Variants in SPEN observed in about 807,000 individuals in gnomAD.
SPEN encodes the protein msx2-interacting protein.
A neutral mutation model predicts 269.9 loss-of-function variants in SPEN; 18 were observed. That is an observed-to-expected ratio of 0.07 (90% CI 0.05 to 0.10). The LOEUF is 0.10. Among genes scored for constraint, SPEN ranks in the 10% least tolerant of loss-of-function variants. The pLI, the probability that SPEN is intolerant of heterozygous loss-of-function variation, is 1.00. For missense variants in SPEN, 3,822 were observed against 4,631.2 expected (o/e 0.83, Z 5.07); for synonymous variants, 1,726 against 1,765.7 (o/e 0.98, Z 0.56).
rs552871135 is a variant in SPEN, at chr1:15,868,713, C to T, written c.84-4103C>T. On this transcript the variant is annotated intron_variant, in intron 1 of 14. Coordinates refer to ENST00000375759, the MANE Select transcript of SPEN (RefSeq NM_015001.3). ...CCTCCCAAAGTGCTGGGATTACAGG[C>T]GTGAGCCACCGTGCCCAGCCAGAAT... is the stretch of plus-strand genomic sequence containing the variant. Among the ~76,000 whole-genome samples the T allele has an allele frequency of 1.9e-4, 29 of 152,262 alleles. No homozygotes were observed. The South Asian group carries it at 5.0e-3, about 26-fold the overall frequency.
chr1:15,911,399 A>G, intron 5 of SPEN, 98 bp downstream of exon 5: 1 of 903,994 alleles, frequency 1.1e-6, no homozygotes, highest in Non-Finnish European at 1.8e-6. Context: ...TGAGGACACT[A>G]TTCTGGCTTT....
intron 1 of SPEN, among the ~76,000 whole-genome samples, chr1:15,863,522 G>T (rs2070467654): frequency 6.6e-6 from 1 of 152,082 alleles, no homozygotes; most frequent in Admixed American, 6.6e-5. Flanking sequence ...TTTCTACTTA[G>T]AACCAATAAA....
At chr1:15,927,417 G>C (rs192513342) in intron 10 of SPEN, among the ~76,000 whole-genome samples, 4 of 152,308 alleles carry the variant, frequency 2.6e-5, no homozygotes, top group Admixed American at 6.5e-5. Context: ...AGGAGACTGA[G>C]TTCAGAGAGT....
Position 15,933,361 on chromosome 1 carries a change from C to T in SPEN, c.7121C>T (p.Thr2374Ile). 6.2e-7 allele frequency: 1 copy of T among 1,614,144 alleles called. No individual in the cohort carries two copies. Among genetic ancestry groups the T allele is most frequent in the Non-Finnish European group, 8.5e-7 (1 of 1,180,044 alleles). ...AGTCCTGCTGCAAATGAGGGGACAA[C>T]AGTACAGCACCCCGAAGCCCCACAG... ...GESPAANEGT[T>I]VQHPEAPQEE... Residue 2374 changes from threonine (T) to isoleucine (I), a missense_variant, in exon 11 of 15, where the codon ACA becomes ATA. Coordinates refer to ENST00000375759, the MANE Select transcript of SPEN (RefSeq NM_015001.3). The surrounding 1 kb of genome is among the most constrained non-coding windows in gnomAD (Gnocchi z 5.7).
rs777197196 is a variant in SPEN at position 15,928,594 on chromosome 1, A to G, written c.2354A>G (p.Tyr785Cys). 3 of 1,614,184 alleles carry G rather than the reference A, an allele frequency of 1.9e-6. No individual in the cohort carries two copies. Among genetic ancestry groups the G allele is most frequent in the Middle Eastern group, 1.6e-4 (1 of 6,062 alleles). The change falls in exon 11 of 15, where the codon TAT (tyrosine) becomes TGT (cysteine). Residue 785 changes from tyrosine (Y) to cysteine (C), a missense_variant. Physicochemically the swap from Tyr to Cys is radical, Grantham distance 194. This residue lies in a region of SPEN where 572 missense variants were observed against 582.6 expected (regional missense o/e 0.98). Transcript: ENST00000375759. The surrounding 1 kb of genome is among the most constrained non-coding windows in gnomAD (Gnocchi z 5.7). ...EKLDKSRLERYTKNEKTDKER... is the reference protein window; with the variant it reads ...EKLDKSRLERCTKNEKTDKER... The stretch of plus-strand genomic sequence containing the variant: ...CTGGACAAGTCTCGTTTGGAGCGCT[A>G]TACAAAAAATGAAAAGACAGATAAA...
chr1:15,867,904 G>C (rs1423643290), intron 1 of SPEN, among the ~76,000 whole-genome samples: 4 of 152,058 alleles, frequency 2.6e-5, no homozygotes, highest in Non-Finnish European at 5.9e-5. Context: ...CGTGATCTCA[G>C]CCCACCGCAA....
At position 15,933,006 on chromosome 1, in the gene SPEN, C is replaced by T. The variant is rs554590716; in HGVS notation, c.6766C>T (p.Leu2256=). 8 of 1,614,148 alleles carry T rather than the reference C, an allele frequency of 5.0e-6. No homozygotes were observed. In the Admixed American group the frequency reaches 1.0e-4, roughly 20 times the overall value. Residue 2256 remains leucine, a synonymous_variant, in exon 11 of 15, where the codon CTG becomes TTG. Coordinates refer to ENST00000375759, the MANE Select transcript of SPEN (RefSeq NM_015001.3). This position sits in a 1 kb window ranked among gnomAD's most constrained non-coding sequence, Gnocchi z 5.7. ...GCAACCCCCCGCAGGTGCACAGGCGCTGCAGCCTTCTGAGGAAGGAATGGA... is the reference window on the plus strand; with the variant it reads ...GCAACCCCCCGCAGGTGCACAGGCGTTGCAGCCTTCTGAGGAAGGAATGGA... The part of the protein sequence containing the change: ...DLQPPAGAQA[L]QPSEEGMETD...
intron 7 of SPEN, 64 bp downstream of exon 7, chr1:15,919,115 GT>G (rs35883633): frequency 0.086 from 110,131 of 1,282,704 alleles, 4,460 homozygotes; most frequent in African/African-American, 0.19. Context: ...GACTTGAAGG[GT>G]TTTTTTTTTG....
intron 3 of SPEN, among the ~76,000 whole-genome samples, chr1:15,880,405 T>C (rs2070675381): frequency 6.6e-6 from 1 of 152,100 alleles, no homozygotes; most frequent in Non-Finnish European, 1.5e-5. Flanking sequence ...CATTAACTTA[T>C]TGATTCCTTC....
At position 15,851,986 on chromosome 1, in the gene SPEN, A is replaced by G. The variant is rs927389397; in HGVS notation, c.83+3836A>G. On this transcript the variant is annotated intron_variant, in intron 1 of 14. Coordinates refer to ENST00000375759, the MANE Select transcript of SPEN (RefSeq NM_015001.3). ...GGACAGAGCAAGACTCCGTCTGGGGAAAAAAAAAGAATGAGACCCATTTAA... is the reference window on the plus strand; with the variant it reads ...GGACAGAGCAAGACTCCGTCTGGGGGAAAAAAAAGAATGAGACCCATTTAA... 5.3e-5 allele frequency among the ~76,000 whole-genome samples: 8 copies of G among 151,704 alleles called. No individual in the cohort carries two copies. In the South Asian group the frequency reaches 1.0e-3, roughly 20 times the overall value.
intron 3 of SPEN, among the ~76,000 whole-genome samples, chr1:15,894,312 G>T (rs2148720445): frequency 6.6e-6 from 1 of 152,114 alleles, no homozygotes; most frequent in South Asian, 2.1e-4. Flanking sequence ...TTGTTCTTAG[G>T]CAGACATGTT....
chr1:15,881,731 G>A (rs2070689120), intron 3 of SPEN, among the ~76,000 whole-genome samples: 1 of 152,122 alleles, frequency 6.6e-6, no homozygotes, highest in Non-Finnish European at 1.5e-5. Context: ...TTTATCAGAT[G>A]TTCTCTTTTC....
intron 1 of SPEN, 114 bp from the exon 2 acceptor site, chr1:15,872,702 A>C: frequency 1.5e-6 from 1 of 659,266 alleles, no homozygotes; most frequent in South Asian, 3.6e-5. Flanking sequence ...TTAAAAAGTC[A>C]TTTTGCAGGT....
chr1:15,928,798 G>A lies in SPEN; in HGVS notation c.2558G>A (p.Ser853Asn), dbSNP rs775491800. ...EREQSPEKPR[S>N]CNKLSREKAD... is the part of the protein sequence containing the mutation. ...GAGCAAAGCCCTGAAAAGCCCAGGA[G>A]TTGTAATAAACTGAGCAGAGAGAAA... The change falls in exon 11 of 15, where the codon AGT becomes AAT. Residue 853 changes from serine to asparagine, a missense_variant. Ser to Asn is a conservative substitution (Grantham distance 46). Around this residue, in one of 16 missense-constraint regions of SPEN, gnomAD observed 572 missense variants for 582.6 expected, o/e 0.98. Transcript: ENST00000375759. The surrounding 1 kb of genome is among the most constrained non-coding windows in gnomAD (Gnocchi z 5.7). 7 of 1,614,168 alleles carry A rather than the reference G, an allele frequency of 4.3e-6. No homozygotes were observed. In the South Asian group the frequency reaches 7.7e-5, roughly 18 times the overall value.
intron 5 of SPEN, 125 bp downstream of exon 5, chr1:15,911,426 C>CTTA: frequency 1.4e-6 from 1 of 723,342 alleles, no homozygotes; most frequent in Middle Eastern, 2.4e-4. Flanking sequence ...TGACATATTT[C>CTTA]CATTGTCTTC....
chr1:15,860,442 AGTGTGTGT>A (rs71574142), intron 1 of SPEN, among the ~76,000 whole-genome samples: 33 of 120,092 alleles, frequency 2.7e-4, no homozygotes, highest in African/African-American at 7.7e-4. Flanking sequence ...GTCCCACTGT[AGTGTGTGT>A]GTGTGTGTGT....
At chr1:15,882,855 C>A (rs955373377) in intron 3 of SPEN, among the ~76,000 whole-genome samples, 3 of 152,086 alleles carry the variant, frequency 2.0e-5, no homozygotes, top group African/African-American at 7.2e-5. Context: ...GTTGGTAGGC[C>A]CTCATGGCTC....
At chr1:15,872,756 A>G in intron 1 of SPEN, 60 bp from the exon 2 acceptor site, 1 of 1,415,902 alleles carries the variant, frequency 7.1e-7, no homozygotes, top group Non-Finnish European at 9.4e-7. Context: ...AAAAAAATCT[A>G]AAAACTCATT....
chr1:15,873,025 C>G lies in SPEN; in HGVS notation c.293C>G (p.Ala98Gly), dbSNP rs373710027. Reference sequence around the variant, plus strand: ...GGATTGGATGATACAGTTTCCATAGCATCTCGTAGTAGAGAGGTTTCTGGG... The same window carrying G: ...GGATTGGATGATACAGTTTCCATAGGATCTCGTAGTAGAGAGGTTTCTGGG... The part of the protein sequence containing the change: ...ARGLDDTVSI[A>G]SRSREVSGFR... Residue 98 changes from alanine (A) to glycine (G), a missense_variant, in exon 2 of 15, where the codon GCA (alanine) becomes GGA (glycine). This residue lies in a region of SPEN where 327 missense variants were observed against 350.8 expected (regional missense o/e 0.93). Coordinates refer to ENST00000375759, the MANE Select transcript of SPEN (RefSeq NM_015001.3). 6.2e-7 allele frequency: 1 copy of G among 1,614,164 alleles called. No homozygotes were observed. Among genetic ancestry groups the G allele is most frequent in the South Asian group, 1.1e-5 (1 of 91,078 alleles).
Sources: allele counts gnomAD v4.1 joint callset (sites outside exome capture counted in the v4.1 genomes callset), GRCh38; gene constraint gnomAD v4.1.1; regional missense constraint gnomAD v4.1.1; non-coding constraint Gnocchi (gnomAD v3.1); transcripts MANE v1.5; gene names NCBI Gene and HGNC (gene_info 2026-07-23, HGNC 2026-07-21).